ZNF662: variants seen among roughly 807,000 people sequenced by gnomAD.
ZNF662 encodes zinc finger protein 662.
ZNF662 carries 14 observed loss-of-function variants against 12.4 expected under a neutral mutation model. The observed-to-expected ratio is 1.13, with a 90% CI of 0.75 to 1.77. The LOEUF (loss-of-function observed/expected upper bound fraction) is 1.77, where lower values mean the gene tolerates loss of function less well. ZNF662 is among the 40% of genes most tolerant of loss of function. The pLI is 0.00. For missense variants in ZNF662, 550 were observed against 515.6 expected (o/e 1.07, Z -0.65); for synonymous variants, 184 against 176.4 (o/e 1.04, Z -0.34).
At chr3:42,911,992 A>G (rs1001966391) in intron 3 of ZNF662, 1 of 151,872 alleles carries the variant, frequency 6.6e-6, no homozygotes, top group African/African-American at 2.4e-5. Flanking sequence ...ATTCTATTCT[A>G]TGTGAATTTG....
In ZNF662 at chr3:42,915,331, A is replaced by C. The variant is rs770727885; in HGVS notation, c.1258A>C (p.Ile420Leu). 3 of 1,581,390 alleles carry C rather than the reference A, an allele frequency of 1.9e-6. No individual in the cohort carries two copies. The South Asian group carries it at 3.5e-5, about 19-fold the overall frequency. ...TAGAGACAAACCCTATAACTGTCAGATCTCTCACCTTCTTGAACATTAGAG... is the reference window on the plus strand; with the variant it reads ...TAGAGACAAACCCTATAACTGTCAGCTCTCTCACCTTCTTGAACATTAGAG... ...HARDKPYNCQISHLLEH is the reference protein window; with the variant it reads ...HARDKPYNCQLSHLLEH Residue 420 changes from isoleucine to leucine, a missense_variant, in exon 5 of 5, where the codon ATC becomes CTC. By Grantham distance (5) the Ile-to-Leu change is conservative. Transcript: ENST00000440367.
Position 42,915,538 on chromosome 3 carries a change from A to G in ZNF662, c.*184A>G. On this transcript the variant is annotated 3_prime_UTR_variant, in exon 5 of 5. Coordinates refer to ENST00000440367, the MANE Select transcript of ZNF662 (RefSeq NM_207404.4). ...CCCTCTGTTCTATGATGTTTTAACA[A>G]GGCATCATTTAGTTGGGCAGCTACT... 1.7e-6 allele frequency: 1 copy of G among 578,228 alleles called. No individual in the cohort carries two copies. Among genetic ancestry groups the G allele is most frequent in the Non-Finnish European group, 2.9e-6 (1 of 343,432 alleles). 35.8% of individuals were successfully genotyped at this position (578,228 alleles called of 1,614,324 possible).
rs2088908197 is a variant in ZNF662, at chr3:42,917,623, A to G, written c.*2269A>G. The G allele has an allele frequency of 1.5e-6, 1 of 687,876 alleles. No homozygotes were observed. 42.6% of individuals were successfully genotyped at this position (687,876 alleles called of 1,614,324 possible). On this transcript the variant is annotated 3_prime_UTR_variant, in exon 5 of 5. Transcript: ENST00000440367. ...CAGAACTTTTCAGCTATGTGAGCCA[A>G]TAAACATCTGTCAAACGAGTTAGAG...
rs991075777 is a variant in ZNF662, at chr3:42,906,484, C to G, written c.-94+316C>G. 3.6e-6 allele frequency: 5 copies of G among 1,392,926 alleles called. No homozygotes were observed. Among genetic ancestry groups the G allele is most frequent in the Non-Finnish European group, 4.6e-6 (5 of 1,076,284 alleles). 86.3% of individuals were successfully genotyped at this position (1,392,926 alleles called of 1,614,324 possible). Reference sequence around the variant, plus strand: ...GCCTGGAAGCAGTCTTGGCCCTGCCCTGGGTTCTAGGCCCGGAGACGGGGT... The same window carrying G: ...GCCTGGAAGCAGTCTTGGCCCTGCCGTGGGTTCTAGGCCCGGAGACGGGGT... On this transcript the variant is annotated intron_variant, in intron 1 of 4. Transcript: ENST00000440367. The surrounding 1 kb of genome is among the most constrained non-coding windows in gnomAD (Gnocchi z 4.4).
chr3:42,919,316 A>C lies in ZNF662; in HGVS notation c.*3962A>C, dbSNP rs1238406509. Among the ~76,000 whole-genome samples, 1 of 152,254 alleles carries C rather than the reference A, an allele frequency of 6.6e-6. No homozygotes were observed. The highest frequency in any genetic ancestry group is 1.5e-5 in the Non-Finnish European group (1 of 68,042). On this transcript the variant is annotated 3_prime_UTR_variant, in exon 5 of 5. Transcript: ENST00000440367. Reference sequence around the variant, plus strand: ...CATGATAGGACTGAGTTGTTTGCAAAATAAACTTTAGTCTTGTATTTGGTC... The same window carrying C: ...CATGATAGGACTGAGTTGTTTGCAACATAAACTTTAGTCTTGTATTTGGTC...
chr3:42,910,180 G>A (rs112831414), intron 3 of ZNF662, among the ~76,000 whole-genome samples: 4 of 152,150 alleles, frequency 2.6e-5, no homozygotes, highest in African/African-American at 4.8e-5. Flanking sequence ...GCCAAACCCC[G>A]TCTCCACCAA....
intron 4 of ZNF662, among the ~76,000 whole-genome samples, chr3:42,913,654 T>G (rs1299574595): frequency 6.6e-6 from 1 of 152,202 alleles, no homozygotes; most frequent in East Asian, 1.9e-4. Context: ...TATATGGCCC[T>G]TATCCTGGAA....
intron 3 of ZNF662, among the ~76,000 whole-genome samples, chr3:42,910,359 AG>A (rs2088768434): frequency 6.6e-6 from 1 of 151,408 alleles, no homozygotes; most frequent in Non-Finnish European, 1.5e-5. Context: ...GGAGAGGGGG[AG>A]GGGGAAGGGG....
chr3:42,908,337 G>T, intron 2 of ZNF662, 189 bp downstream of exon 2: 2 of 1,373,858 alleles, frequency 1.5e-6, no homozygotes, highest in Non-Finnish European at 1.9e-6. Flanking sequence ...GCCTTATACA[G>T]GACTTCCTTG....
Position 42,915,135 on chromosome 3 carries a change from C to T in ZNF662, c.1062C>T (p.His354=). ...NSDLSQHQRV[H]TGDKPHECTD... ...ATCTTTCTCAGCACCAGAGGGTCCA[C>T]ACTGGGGACAAGCCTCATGAATGTA... Residue 354 remains histidine (H), a synonymous_variant, in exon 5 of 5, where the codon CAC becomes CAT. Coordinates refer to ENST00000440367, the MANE Select transcript of ZNF662 (RefSeq NM_207404.4). The T allele has an allele frequency of 6.2e-7, 1 of 1,614,152 alleles. No homozygotes were observed. The highest frequency in any genetic ancestry group is 8.5e-7 in the Non-Finnish European group (1 of 1,180,030).
At chr3:42,909,034 G>T in intron 3 of ZNF662, 125 bp downstream of exon 3, 1 of 587,326 alleles carries the variant, frequency 1.7e-6, no homozygotes, top group Non-Finnish European at 2.8e-6. Flanking sequence ...TCTTCTCTGT[G>T]TTCCCATAGT....
chr3:42,914,952 A>G lies in ZNF662; in HGVS notation c.879A>G (p.Gln293=), dbSNP rs1575415745. The change falls in exon 5 of 5, where the codon CAA becomes CAG. Residue 293 remains glutamine, a synonymous_variant. Transcript: ENST00000440367. ...TTAGTCAGAACACAAGCCTTACGCAACATCAACGGATCCACACTGGTGAGA... is the reference window on the plus strand; with the variant it reads ...TTAGTCAGAACACAAGCCTTACGCAGCATCAACGGATCCACACTGGTGAGA... ...KGFSQNTSLT[Q]HQRIHTGEKP... 4 of 1,613,722 alleles carry G rather than the reference A, an allele frequency of 2.5e-6. No individual in the cohort carries two copies. Among genetic ancestry groups the G allele is most frequent in the East Asian group, 2.2e-5 (1 of 44,820 alleles).
chr3:42,908,935 A>T (rs1448900270), intron 3 of ZNF662, 26 bp downstream of exon 3: 4 of 1,529,158 alleles, frequency 2.6e-6, no homozygotes, highest in Non-Finnish European at 3.6e-6. Context: ...CGTGCCGGTC[A>T]TCTGACCAGT....
At chr3:42,907,954 C>T (rs1303673595) in intron 1 of ZNF662, 68 bp from the exon 2 acceptor site, 2 of 1,579,916 alleles carry the variant, frequency 1.3e-6, no homozygotes, top group East Asian at 2.3e-5. Context: ...CTTTTGATGC[C>T]CTGTCTCCCC....
rs141131042 is a variant in ZNF662 at position 42,910,168 on chromosome 3, C to G, written c.151+1259C>G. Among the ~76,000 whole-genome samples, 420 of 152,298 alleles carry G rather than the reference C, an allele frequency of 2.8e-3. 4 individuals are homozygous for G. Among genetic ancestry groups the G allele is most frequent in the African/African-American group, 9.8e-3 (406 of 41,558 alleles). ...GAGCTGGAGACCAGCCCGGCCAACA[C>G]GGCCAAACCCCGTCTCCACCAAAAA... On this transcript the variant is annotated intron_variant, in intron 3 of 4. Coordinates refer to ENST00000440367, the MANE Select transcript of ZNF662 (RefSeq NM_207404.4).
At chr3:42,912,879 A>G (rs1269684946) in intron 3 of ZNF662, among the ~76,000 whole-genome samples, 1 of 149,550 alleles carries the variant, frequency 6.7e-6, no homozygotes, top group Admixed American at 6.8e-5. Flanking sequence ...AGCTGTGACC[A>G]CAGGTGTGTG....
rs749716727 is a variant in ZNF662, at chr3:42,914,421, G to A, written c.348G>A (p.Gln116=). Residue 116 remains glutamine, a synonymous_variant, in exon 5 of 5, where the codon CAG becomes CAA. Coordinates refer to ENST00000440367, the MANE Select transcript of ZNF662 (RefSeq NM_207404.4). The part of the protein sequence containing the change: ...QDLMVLSSGP[Q]WCGSQELWFG... The stretch of plus-strand genomic sequence containing the variant: ...TCATGGTCCTATCAAGTGGACCCCA[G>A]TGGTGTGGATCCCAGGAATTATGGT... The A allele has an allele frequency of 3.1e-6, 5 of 1,613,996 alleles. No individual in the cohort carries two copies. The highest frequency in any genetic ancestry group is 4.2e-6 in the Non-Finnish European group (5 of 1,179,972).
At position 42,912,664 on chromosome 3, in the gene ZNF662, ATAT is replaced by A. The variant is rs1238389949; in HGVS notation, c.152-535_152-533del. Among the ~76,000 whole-genome samples, 93 of 50,598 alleles carry A rather than the reference ATAT, an allele frequency of 1.8e-3. 1 individual carries two copies. The highest frequency in any genetic ancestry group is 1.1e-3 in the Non-Finnish European group (29 of 26,264). 33.2% of individuals were successfully genotyped at this position (50,598 alleles called of 152,430 possible). On this transcript the variant is annotated intron_variant, in intron 3 of 4. Transcript: ENST00000440367. ...TTTATATATATATAAATATATATAT[ATAT>A]TTTTTATATATATAAATATATATAT...
rs2088904053 is a variant in ZNF662, at chr3:42,917,213, A to G, written c.*1859A>G. On this transcript the variant is annotated 3_prime_UTR_variant, in exon 5 of 5. Coordinates refer to ENST00000440367, the MANE Select transcript of ZNF662 (RefSeq NM_207404.4). ...TTTGGGAAGCTATCCTTTCTCAGCT[A>G]TGTGGTTTGGCACCACCACCATCTT... 5.3e-6 allele frequency: 2 copies of G among 376,148 alleles called. No homozygotes were observed. The highest frequency in any genetic ancestry group is 4.0e-5 in the East Asian group (1 of 24,912). The allele number at this position is 376,148 out of a possible 1,614,324, so 23.3% of individuals were successfully genotyped here. A position where few individuals can be genotyped will look rare whatever the true frequency, so the allele number is the denominator to read the frequency against.
Sources: allele counts gnomAD v4.1 joint callset (sites outside exome capture counted in the v4.1 genomes callset), GRCh38; gene constraint gnomAD v4.1.1; non-coding constraint Gnocchi (gnomAD v3.1); transcripts MANE v1.5; gene names NCBI Gene and HGNC (gene_info 2026-07-23, HGNC 2026-07-21).